VPS50: variants seen among roughly 807,000 people sequenced by gnomAD.
VPS50 encodes the protein syndetin.
In VPS50, 70 loss-of-function variants were observed where a neutral mutation model predicts 139.7. The observed-to-expected ratio is 0.50, with a 90% CI of 0.41 to 0.61. The LOEUF (loss-of-function observed/expected upper bound fraction) is 0.61, where lower values mean the gene tolerates loss of function less well. Among genes scored for constraint, VPS50 ranks in the 20% least tolerant of loss-of-function variants. The pLI is 0.00. For missense variants in VPS50, 921 were observed against 1,133.7 expected (o/e 0.81, Z 2.69); for synonymous variants, 365 against 376.7 (o/e 0.97, Z 0.36).
intron 9 of VPS50, among the ~76,000 whole-genome samples, chr7:93,262,699 A>T (rs968509988): frequency 1.2e-4 from 19 of 152,166 alleles, no homozygotes; most frequent in African/African-American, 4.6e-4. Flanking sequence ...TGTCAGGGTG[A>T]CTCAGAGAGC....
chr7:93,272,331 G>T (rs1796033654), intron 10 of VPS50, among the ~76,000 whole-genome samples: 1 of 151,804 alleles, frequency 6.6e-6, no homozygotes, highest in Non-Finnish European at 1.5e-5. Context: ...GAAACATTAA[G>T]TAGTAGTAAG....
intron 12 of VPS50, among the ~76,000 whole-genome samples, chr7:93,286,409 A>C (rs552862824): frequency 7.0e-4 from 106 of 152,134 alleles, no homozygotes; most frequent in Non-Finnish European, 6.8e-4. Flanking sequence ...AATGTTAGGT[A>C]TTTAGTAATA....
At chr7:93,357,824 T>C (rs763228677) in intron 27 of VPS50, among the ~76,000 whole-genome samples, 10 of 152,162 alleles carry the variant, frequency 6.6e-5, no homozygotes, top group Non-Finnish European at 1.3e-4. Context: ...CTCCCTGACT[T>C]TGTGATCCTT....
At chr7:93,322,375 G>A (rs951392945) in intron 20 of VPS50, among the ~76,000 whole-genome samples, 19 of 151,942 alleles carry the variant, frequency 1.3e-4, no homozygotes, top group South Asian at 1.0e-3. Flanking sequence ...CGAGGCGGGC[G>A]GATCACGAGG....
rs1034481589 is a variant in VPS50, at chr7:93,360,978, C to T, written c.*2542C>T. ...TTTATCATATCTTTAAATAAAATTTCGAAATTTCTATTTAGCTGAGTGCTA... is the reference window on the plus strand; with the variant it reads ...TTTATCATATCTTTAAATAAAATTTTGAAATTTCTATTTAGCTGAGTGCTA... On this transcript the variant is annotated 3_prime_UTR_variant, in exon 28 of 28. Coordinates refer to ENST00000305866, the MANE Select transcript of VPS50 (RefSeq NM_017667.4). 7 of 151,848 alleles carry T rather than the reference C, an allele frequency of 4.6e-5. No homozygotes were observed. The highest frequency in any genetic ancestry group is 2.1e-4 in the South Asian group (1 of 4,818). 9.4% of individuals were successfully genotyped at this position (151,848 alleles called of 1,614,324 possible).
rs535077661 is a variant in VPS50 at position 93,237,198 on chromosome 7, C to T, written c.34-2668C>T. On this transcript the variant is annotated intron_variant, in intron 1 of 27. Transcript: ENST00000305866. ...GTCTCCATCTCCTGACCTCGTGATC[C>T]GCCCGCCTCGGCCTCCCAAAGTGCT... is the stretch of plus-strand genomic sequence containing the variant. Among the ~76,000 whole-genome samples the T allele has an allele frequency of 2.0e-5, 3 of 151,844 alleles. No individual in the cohort carries two copies. In the South Asian group the frequency reaches 6.2e-4, roughly 32 times the overall value.
intron 21 of VPS50, among the ~76,000 whole-genome samples, chr7:93,330,678 C>A (rs1287756730): frequency 7.2e-6 from 1 of 139,008 alleles, no homozygotes; most frequent in African/African-American, 2.8e-5. Context: ...CGCTTGAGCC[C>A]TGGAGGTCGA....
At chr7:93,321,844 T>C (rs1797622648) in intron 20 of VPS50, among the ~76,000 whole-genome samples, 1 of 152,236 alleles carries the variant, frequency 6.6e-6, no homozygotes, top group Non-Finnish European at 1.5e-5. Context: ...CTTTGTTTTT[T>C]TGTTTTTAAC....
chr7:93,272,453 A>T (rs1209490376), intron 10 of VPS50, among the ~76,000 whole-genome samples, 182 bp from the exon 11 acceptor site: 7 of 152,052 alleles, frequency 4.6e-5, no homozygotes, highest in African/African-American at 1.7e-4. Context: ...TATAGTTGCT[A>T]ATAAATTTAC....
chr7:93,360,707 A>G lies in VPS50; in HGVS notation c.*2271A>G, dbSNP rs998063430. 3 of 152,080 alleles carry G rather than the reference A, an allele frequency of 2.0e-5. No homozygotes were observed. The highest frequency in any genetic ancestry group is 2.9e-5 in the Non-Finnish European group (2 of 67,996). The allele number at this position is 152,080 out of a possible 1,614,324, so 9.4% of individuals were successfully genotyped here. On this transcript the variant is annotated 3_prime_UTR_variant, in exon 28 of 28. Coordinates refer to ENST00000305866, the MANE Select transcript of VPS50 (RefSeq NM_017667.4). The stretch of plus-strand genomic sequence containing the variant: ...ACTTTCCTTAACTTTGACATTTTCC[A>G]TGAAAGTTTCCTGTAGAATTTACCA...
At chr7:93,251,163 G>A (rs1795313531) in intron 2 of VPS50, among the ~76,000 whole-genome samples, 1 of 152,174 alleles carries the variant, frequency 6.6e-6, no homozygotes, top group Admixed American at 6.5e-5. Flanking sequence ...ATTTGACCGA[G>A]CAGTCTCATT....
At chr7:93,298,494 GTC>G (rs1796878112) in intron 16 of VPS50, among the ~76,000 whole-genome samples, 1 of 152,182 alleles carries the variant, frequency 6.6e-6, no homozygotes, top group Admixed American at 6.5e-5. Context: ...CATGCCAAAT[GTC>G]TCTCTTCCCA....
intron 8 of VPS50, among the ~76,000 whole-genome samples, 158 bp downstream of exon 8, chr7:93,258,550 G>C (rs900790701): frequency 9.2e-5 from 14 of 151,932 alleles, no homozygotes; most frequent in Non-Finnish European, 8.8e-5. Flanking sequence ...TTGCTCTGGA[G>C]CCTTTTTCTA....
intron 23 of VPS50, among the ~76,000 whole-genome samples, chr7:93,347,993 A>G (rs1447569128): frequency 6.6e-6 from 1 of 151,726 alleles, no homozygotes; most frequent in East Asian, 1.9e-4. Context: ...ATTAAAAAAA[A>G]GAAAAAAAAA....
intron 1 of VPS50, among the ~76,000 whole-genome samples, chr7:93,237,526 A>G (rs552597271): frequency 3.9e-5 from 6 of 152,160 alleles, no homozygotes; most frequent in African/African-American, 1.4e-4. Flanking sequence ...AGATATTGGT[A>G]TATATCACGT....
intron 10 of VPS50, among the ~76,000 whole-genome samples, 162 bp from the exon 11 acceptor site, chr7:93,272,473 T>C (rs745646261): frequency 2.0e-5 from 3 of 151,908 alleles, no homozygotes; most frequent in Non-Finnish European, 4.4e-5. Context: ...CAATTGCAAT[T>C]TATAACTTTA....
chr7:93,343,518 A>G (rs1798291257), intron 23 of VPS50, among the ~76,000 whole-genome samples: 1 of 152,200 alleles, frequency 6.6e-6, no homozygotes, highest in South Asian at 2.1e-4. Context: ...AGCAACACCA[A>G]GACACATAAT....
intron 1 of VPS50, 57 bp downstream of exon 1, chr7:93,232,557 AG>A (rs1794665524): frequency 1.4e-6 from 2 of 1,459,390 alleles, no homozygotes; most frequent in African/African-American, 2.8e-5. Flanking sequence ...AGAGGAGCCG[AG>A]ATGTTCTGTC....
At chr7:93,255,910 A>G (rs537431686) in intron 4 of VPS50, among the ~76,000 whole-genome samples, 5 of 152,296 alleles carry the variant, frequency 3.3e-5, no homozygotes, top group African/African-American at 1.2e-4. Flanking sequence ...AGACCCTGAA[A>G]TGGTGGAATT....
Sources: gnomAD v4.1 joint callset for allele counts (sites outside exome capture counted in the v4.1 genomes callset) on GRCh38, gnomAD v4.1.1 for gene constraint, MANE v1.5 for transcripts, NCBI Gene and HGNC (gene_info 2026-07-23, HGNC 2026-07-21) for gene names.